AGPAT5: variants seen among roughly 807,000 people sequenced by gnomAD.
The protein encoded by AGPAT5 is 1-acyl-sn-glycerol-3-phosphate acyltransferase epsilon.
In AGPAT5, 46 loss-of-function variants were observed where a neutral mutation model predicts 45.6. That is an observed-to-expected ratio of 1.01 (90% CI 0.80 to 1.29). AGPAT5 has a LOEUF of 1.29. AGPAT5 is among the 50% of genes most tolerant of loss of function. The pLI is 0.00. For synonymous variants in AGPAT5, 272 were observed against 167.0 expected (o/e 1.63, Z -4.85); for missense variants, 673 against 450.7 (o/e 1.49, Z -4.47).
At chr8:6,745,424 G>T (rs1801408547) in intron 5 of AGPAT5, among the ~76,000 whole-genome samples, 1 of 152,146 alleles carries the variant, frequency 6.6e-6, no homozygotes, top group Non-Finnish European at 1.5e-5. Context: ...CCACTCTCCA[G>T]AAATGAATCC....
rs1051909543 is a variant in AGPAT5 at position 6,737,625 on chromosome 8, T to C, written c.496-4036T>C. On this transcript the variant is annotated intron_variant, in intron 4 of 7. Coordinates refer to ENST00000285518, the MANE Select transcript of AGPAT5 (RefSeq NM_018361.5). ...TTAGACTATGAGCTAGTAAAACTTA[T>C]GGCACAAACATGGAGACTTAACACT... 5.9e-5 allele frequency among the ~76,000 whole-genome samples: 9 copies of C among 152,364 alleles called. No individual in the cohort carries two copies. The East Asian group carries it at 9.6e-4, about 16-fold the overall frequency.
chr8:6,743,646 G>C (rs571342297), intron 5 of AGPAT5, among the ~76,000 whole-genome samples: 1 of 152,236 alleles, frequency 6.6e-6, no homozygotes, highest in East Asian at 1.9e-4. Context: ...TGTTCGAAGG[G>C]TTTTGTTTTA....
Position 6,730,784 on chromosome 8 carries a change from A to G in AGPAT5, c.363A>G (p.Glu121=). ...GACATGTGCGCTACGTGCTGAAAGA[A>G]GGGTTAAAATGGCTGCCATTGTATG... The part of the protein sequence containing the change: ...ALGHVRYVLK[E]GLKWLPLYGC... The change falls in exon 3 of 8, where the codon GAA becomes GAG. Residue 121 remains glutamate (E), a synonymous_variant. Transcript: ENST00000285518. The G allele has an allele frequency of 6.2e-7, 1 of 1,613,516 alleles. No homozygotes were observed. Among genetic ancestry groups the G allele is most frequent in the Non-Finnish European group, 8.5e-7 (1 of 1,179,604 alleles).
chr8:6,728,234 A>C (rs1235666617), intron 2 of AGPAT5, among the ~76,000 whole-genome samples: 3 of 152,236 alleles, frequency 2.0e-5, no homozygotes, highest in Non-Finnish European at 1.5e-5. Context: ...ACACAGCCAA[A>C]TTTATTGCTA....
intron 5 of AGPAT5, chr8:6,745,934 G>C (rs973539263): frequency 1.3e-5 from 2 of 152,044 alleles, no homozygotes; most frequent in South Asian, 4.2e-4. Context: ...TTGAACTCAT[G>C]TTCTCTCTCC....
intron 6 of AGPAT5, among the ~76,000 whole-genome samples, chr8:6,754,420 C>A (rs1801759331): frequency 6.6e-6 from 1 of 152,036 alleles, no homozygotes; most frequent in Non-Finnish European, 1.5e-5. Flanking sequence ...AACCAATGGC[C>A]AAGTTAGAGA....
chr8:6,736,468 A>T (rs1326055480), intron 4 of AGPAT5, among the ~76,000 whole-genome samples: 1 of 152,224 alleles, frequency 6.6e-6, no homozygotes, highest in East Asian at 1.9e-4. Flanking sequence ...GGCATAATTT[A>T]AAAGGTGTGT....
At chr8:6,739,539 T>A (rs1285333491) in intron 4 of AGPAT5, among the ~76,000 whole-genome samples, 3 of 152,120 alleles carry the variant, frequency 2.0e-5, no homozygotes, top group Non-Finnish European at 2.9e-5. Context: ...TTTGATACTA[T>A]TGTAGATGAC....
intron 1 of AGPAT5, among the ~76,000 whole-genome samples, chr8:6,717,052 A>T (rs1413422096): frequency 1.3e-5 from 2 of 152,090 alleles, no homozygotes; most frequent in Non-Finnish European, 2.9e-5. Flanking sequence ...AAGAAACATG[A>T]CTCCACCCTC....
intron 5 of AGPAT5, among the ~76,000 whole-genome samples, chr8:6,742,642 A>G (rs1801278360): frequency 6.6e-6 from 1 of 152,354 alleles, no homozygotes; most frequent in African/African-American, 2.4e-5. Context: ...TGAGCATTCA[A>G]CATGTGACTA....
chr8:6,709,182 T>G, intron 1 of AGPAT5: 1 of 478,908 alleles, frequency 2.1e-6, no homozygotes, highest in Non-Finnish European at 3.8e-6. Flanking sequence ...GATGCACGTT[T>G]TAAATAATAG....
At chr8:6,745,846 T>A (rs1281976590) in intron 5 of AGPAT5, 2 of 152,182 alleles carry the variant, frequency 1.3e-5, no homozygotes. Context: ...TTAGCTTCGG[T>A]TGATTCTTGC....
chr8:6,743,772 GTT>G (rs201219544), intron 5 of AGPAT5, among the ~76,000 whole-genome samples: 14 of 148,054 alleles, frequency 9.5e-5, no homozygotes, highest in Admixed American at 1.3e-4. Flanking sequence ...CCCTATGGTG[GTT>G]TTTTTTTTTT....
chr8:6,732,870 G>A (rs1271890337), intron 4 of AGPAT5, among the ~76,000 whole-genome samples: 1 of 152,136 alleles, frequency 6.6e-6, no homozygotes, highest in African/African-American at 2.4e-5. Context: ...CTGGTCAGTG[G>A]ACCTTAAAGA....
intron 1 of AGPAT5, chr8:6,709,625 G>C (rs1800076430): frequency 6.6e-6 from 1 of 151,602 alleles, no homozygotes; most frequent in Non-Finnish European, 1.5e-5. Flanking sequence ...CTTTATTCTT[G>C]GTTATTCCTA....
rs902830562 is a variant in AGPAT5 at position 6,759,234 on chromosome 8, C to G, written c.*1846C>G. 3.9e-5 allele frequency: 6 copies of G among 152,012 alleles called. No homozygotes were observed. Among genetic ancestry groups the G allele is most frequent in the Non-Finnish European group, 8.8e-5 (6 of 68,018 alleles). The allele number at this position is 152,012 out of a possible 1,614,324, so 9.4% of individuals were successfully genotyped here. On this transcript the variant is annotated 3_prime_UTR_variant, in exon 8 of 8. Coordinates refer to ENST00000285518, the MANE Select transcript of AGPAT5 (RefSeq NM_018361.5). ...ATATTTTGAATATAATGGGTATGTT[C>G]TAAATTTGAACTTTGAGAGGCAATA...
intron 1 of AGPAT5, among the ~76,000 whole-genome samples, chr8:6,721,438 A>G (rs1055893305): frequency 2.0e-5 from 3 of 152,222 alleles, no homozygotes; most frequent in African/African-American, 7.2e-5. Context: ...TTCATGGGAT[A>G]AGAATAATGA....
At chr8:6,756,457 C>G (rs1244001203) in intron 7 of AGPAT5, among the ~76,000 whole-genome samples, 1 of 152,052 alleles carries the variant, frequency 6.6e-6, no homozygotes, top group East Asian at 1.9e-4. Flanking sequence ...AAAACCCTGT[C>G]TCTACAGAAA....
chr8:6,732,768 A>G (rs1047520122), intron 4 of AGPAT5, 118 bp downstream of exon 4: 4 of 928,216 alleles, frequency 4.3e-6, no homozygotes, highest in Non-Finnish European at 6.2e-6. Flanking sequence ...TTACTAATTC[A>G]GGGTTATGCT....
Sources: allele counts gnomAD v4.1 joint callset (sites outside exome capture counted in the v4.1 genomes callset), GRCh38; gene constraint gnomAD v4.1.1; transcripts MANE v1.5; gene names NCBI Gene and HGNC (gene_info 2026-07-23, HGNC 2026-07-21).